The following FBXL5 variants were observed in gnomAD, a reference collection of about 807,000 sequenced individuals.
FBXL5 encodes F-box/LRR-repeat protein 5.
A neutral mutation model predicts 78.3 loss-of-function variants in FBXL5; 26 were observed. The observed-to-expected ratio is 0.33, with a 90% confidence interval of 0.24 to 0.46. FBXL5 has a LOEUF of 0.46. FBXL5 is among the 20% of genes least tolerant of loss of function. The pLI is 1.00. For synonymous variants in FBXL5, 295 were observed against 282.5 expected (o/e 1.04, Z -0.45); for missense variants, 710 against 829.2 (o/e 0.86, Z 1.77).
At chr4:15,645,743 T>C (rs1396381689) in intron 1 of FBXL5, among the ~76,000 whole-genome samples, 1 of 152,232 alleles carries the variant, frequency 6.6e-6, no homozygotes, top group Non-Finnish European at 1.5e-5. Flanking sequence ...TCTTTCTTAA[T>C]GTGTTAATCT....
upstream of FBXL5, among the ~76,000 whole-genome samples, chr4:15,657,343 G>GA (rs1010018567): frequency 6.6e-6 from 1 of 152,094 alleles, no homozygotes; most frequent in Non-Finnish European, 1.5e-5. Flanking sequence ...AAATATGTTG[G>GA]AAAAAAGAAT....
chr4:15,628,571 T>G (rs1012773216), intron 6 of FBXL5, among the ~76,000 whole-genome samples: 2 of 152,170 alleles, frequency 1.3e-5, no homozygotes, highest in African/African-American at 4.8e-5. Context: ...ATTACCTTTC[T>G]CAGGATCCTA....
intron 10 of FBXL5, among the ~76,000 whole-genome samples, chr4:15,611,830 A>C (rs1722289963): frequency 6.6e-6 from 1 of 152,038 alleles, no homozygotes; most frequent in African/African-American, 2.4e-5. Flanking sequence ...CACATTACCA[A>C]AGTCCTCATT....
At chr4:15,615,957 C>T (rs1055453594) in intron 9 of FBXL5, among the ~76,000 whole-genome samples, 4 of 152,144 alleles carry the variant, frequency 2.6e-5, no homozygotes, top group African/African-American at 9.7e-5. Context: ...TTTGGGTCCA[C>T]GCTGCTTTTA....
intron 1 of FBXL5, among the ~76,000 whole-genome samples, chr4:15,673,748 A>T (rs555973477): frequency 1.3e-5 from 2 of 152,300 alleles, no homozygotes; most frequent in African/African-American, 4.8e-5. Flanking sequence ...TTCTCTCTCT[A>T]TGCAGCTCTC....
chr4:15,633,602 C>T (rs1285526414), intron 5 of FBXL5, among the ~76,000 whole-genome samples: 1 of 152,136 alleles, frequency 6.6e-6, no homozygotes, highest in Admixed American at 6.6e-5. Flanking sequence ...TTACTGAACT[C>T]ATTTTTCTGG....
At chr4:15,657,366 TA>T (rs1717044781), upstream of FBXL5, among the ~76,000 whole-genome samples, 1 of 152,236 alleles carries the variant, frequency 6.6e-6, no homozygotes, top group African/African-American at 2.4e-5. Context: ...GGGTAGTTCA[TA>T]GCACTGTGTA....
upstream of FBXL5, among the ~76,000 whole-genome samples, chr4:15,663,170 C>T (rs1448506294): frequency 6.6e-6 from 1 of 152,000 alleles, no homozygotes; most frequent in African/African-American, 2.4e-5. Flanking sequence ...TTTATATATA[C>T]CATAATATTT....
chr4:15,677,767 G>A (rs1477949282), intron 1 of FBXL5, among the ~76,000 whole-genome samples: 1 of 152,150 alleles, frequency 6.6e-6, no homozygotes, highest in African/African-American at 2.4e-5. Context: ...TAAATATAGT[G>A]CTTTCCTAAG....
intron 1 of FBXL5, among the ~76,000 whole-genome samples, chr4:15,647,919 T>C (rs1715537007): frequency 6.6e-6 from 1 of 151,482 alleles, no homozygotes. Flanking sequence ...AGTGGCATGA[T>C]CATAGCTCAC....
At chr4:15,679,295 A>G (rs11722854) in intron 1 of FBXL5, among the ~76,000 whole-genome samples, 53,191 of 151,748 alleles carry the variant, frequency 0.35, 9,718 homozygotes, top group Non-Finnish European at 0.37. Flanking sequence ...CTCATGATCC[A>G]CCCGCTTCGG....
intron 2 of FBXL5, 26 bp downstream of exon 2, chr4:15,644,467 G>A (rs765191621): frequency 6.4e-7 from 1 of 1,570,642 alleles, no homozygotes; most frequent in South Asian, 1.1e-5. Context: ...AGTTTTGACA[G>A]TTGAATATCC....
intron 2 of FBXL5, among the ~76,000 whole-genome samples, chr4:15,641,330 T>C (rs7696127): frequency 1.3e-5 from 2 of 151,592 alleles, no homozygotes; most frequent in African/African-American, 4.9e-5. Flanking sequence ...GTTCACTTAA[T>C]TACCGATTTT....
chr4:15,668,605 T>C (rs1009204775), intron 1 of FBXL5, among the ~76,000 whole-genome samples: 2 of 152,142 alleles, frequency 1.3e-5, no homozygotes, highest in East Asian at 3.8e-4. Flanking sequence ...ATGAAGATAA[T>C]TTAATATGTG....
intron 1 of FBXL5, among the ~76,000 whole-genome samples, chr4:15,651,450 C>G (rs1326487261): frequency 1.3e-5 from 2 of 152,080 alleles, no homozygotes; most frequent in Non-Finnish European, 2.9e-5. Context: ...TTAAAAGAAA[C>G]AATGTAGACA....
At chr4:15,647,551 G>A (rs1421154286) in intron 1 of FBXL5, among the ~76,000 whole-genome samples, 2 of 152,040 alleles carry the variant, frequency 1.3e-5, no homozygotes, top group African/African-American at 4.8e-5. Flanking sequence ...GACATACAGG[G>A]AATTTTGCAT....
chr4:15,654,342 T>C (rs1226824547), intron 1 of FBXL5, among the ~76,000 whole-genome samples: 4 of 152,208 alleles, frequency 2.6e-5, no homozygotes, highest in African/African-American at 9.7e-5. Flanking sequence ...ATACGTGGAA[T>C]GTTAATATTG....
chr4:15,610,665 A>T (rs13120905), intron 10 of FBXL5, among the ~76,000 whole-genome samples: 54,908 of 151,880 alleles, frequency 0.36, 10,089 homozygotes, highest in South Asian at 0.46. Context: ...ACATACAAAC[A>T]TAAAACAAGT....
intron 1 of FBXL5, among the ~76,000 whole-genome samples, chr4:15,645,498 G>A (rs1715263124): frequency 6.6e-6 from 1 of 152,078 alleles, no homozygotes. Context: ...CATGATCTCA[G>A]CTCACTGCAG....
Sources: gnomAD v4.1 joint callset for allele counts (sites outside exome capture counted in the v4.1 genomes callset) on GRCh38, gnomAD v4.1.1 for gene constraint, MANE v1.5 for transcripts, NCBI Gene and HGNC (gene_info 2026-07-23, HGNC 2026-07-21) for gene names.